The following AAAS variants were observed in gnomAD, a reference collection of about 807,000 sequenced individuals.
The protein encoded by AAAS is aladin WD repeat nucleoporin.
Under a neutral mutation model 75.6 loss-of-function variants are expected in AAAS, and 60 were observed. That is an observed-to-expected ratio of 0.79 (90% CI 0.64 to 0.98). The LOEUF is 0.98. AAAS is among the 50% of genes least tolerant of loss of function. The pLI is 0.00. For missense variants in AAAS, 658 were observed against 686.9 expected, an observed-to-expected ratio of 0.96 and a Z score of 0.47; for synonymous variants, 271 against 265.0, an observed-to-expected ratio of 1.02 and a Z score of -0.22.
At chr12:53,314,527 G>A in intron 6 of AAAS, 86 bp from the exon 7 acceptor site, 1 of 1,579,574 alleles carries the variant, frequency 6.3e-7, no homozygotes, top group Non-Finnish European at 8.7e-7. Context: ...GAAAGCCACA[G>A]AGAAGAAGGA....
chr12:53,314,191 A>G, intron 7 of AAAS, 107 bp downstream of exon 7: 2 of 1,477,284 alleles, frequency 1.4e-6, no homozygotes, highest in Non-Finnish European at 1.9e-6. Flanking sequence ...TAGCCCTGGG[A>G]AGTGCTGTGA....
At chr12:53,313,809 A>G (rs752171484) in intron 7 of AAAS, among the ~76,000 whole-genome samples, 20 of 151,776 alleles carry the variant, frequency 1.3e-4, no homozygotes, top group Non-Finnish European at 2.5e-4. Context: ...AGGTTTTGCT[A>G]TGTTGGCCAG....
intron 14 of AAAS, 43 bp downstream of exon 14, chr12:53,308,009 G>A (rs766471192): frequency 1.4e-5 from 23 of 1,613,132 alleles, no homozygotes; most frequent in Non-Finnish European, 1.6e-5. Context: ...TGTGCAGGAA[G>A]GCTGGTGAGA....
At chr12:53,321,285 A>C in intron 1 of AAAS, 58 bp downstream of exon 1, 3 of 1,595,850 alleles carry the variant, frequency 1.9e-6, no homozygotes, top group Non-Finnish European at 2.6e-6. Context: ...TCCTTTCCCC[A>C]GTAGTCCCCG....
intron 7 of AAAS, among the ~76,000 whole-genome samples, chr12:53,311,597 A>G (rs1944389255): frequency 6.6e-6 from 1 of 152,206 alleles, no homozygotes; most frequent in Non-Finnish European, 1.5e-5. Flanking sequence ...CCTGGGCAAC[A>G]TAATGAAACC....
In AAAS at chr12:53,314,970, G is replaced by A. The variant is rs1005700659; in HGVS notation, c.447-121C>T. 7 of 1,471,070 alleles carry A rather than the reference G, an allele frequency of 4.8e-6. No homozygotes were observed. In the Admixed American group the frequency reaches 1.0e-4, roughly 22 times the overall value. 91.1% of individuals were successfully genotyped at this position (1,471,070 alleles called of 1,614,324 possible). ...CTTTTTCTTGTATTCTTTTTTGGGG[G>A]AACAGGAGGAATGAGAATATGGTGA... is the stretch of plus-strand genomic sequence containing the variant. On this transcript the variant is annotated intron_variant, in intron 5 of 15. Transcript: ENST00000209873.
intron 3 of AAAS, 92 bp downstream of exon 3, chr12:53,315,635 G>A: frequency 1.3e-6 from 2 of 1,485,816 alleles, no homozygotes; most frequent in Non-Finnish European, 1.9e-6. Context: ...AGGGCTAAAA[G>A]AGGCTGAGCC....
Position 53,308,994 on chromosome 12 carries a change from C to T in AAAS, c.962G>A (p.Cys321Tyr). The T allele has an allele frequency of 6.2e-7, 1 of 1,614,214 alleles. No homozygotes were observed. Among genetic ancestry groups the T allele is most frequent in the Non-Finnish European group, 8.5e-7 (1 of 1,180,026 alleles). ...FRVWEAQMWTCERWPTLSGRC... is the reference protein window; with the variant it reads ...FRVWEAQMWTYERWPTLSGRC... Reference sequence around the variant, plus strand: ...CCCTGATAGAGTAGGCCACCTCTCACAAGTCCACATCTGGGCCTCCCAGAC... The same window carrying T: ...CCCTGATAGAGTAGGCCACCTCTCATAAGTCCACATCTGGGCCTCCCAGAC... The change falls in exon 10 of 16, where the codon TGT becomes TAT. Residue 321 changes from cysteine to tyrosine, a missense_variant. Cys to Tyr is a radical substitution (Grantham distance 194). Coordinates refer to ENST00000209873, the MANE Select transcript of AAAS (RefSeq NM_015665.6).
chr12:53,310,770 T>C (rs1944377732), intron 7 of AAAS, among the ~76,000 whole-genome samples: 1 of 152,230 alleles, frequency 6.6e-6, no homozygotes, highest in African/African-American at 2.4e-5. Flanking sequence ...GTCATGGATG[T>C]ACAATTTAAT....
In AAAS at chr12:53,317,308, A is replaced by G. The variant is rs377668095; in HGVS notation, c.252-1526T>C. Among the ~76,000 whole-genome samples the G allele has an allele frequency of 2.4e-4, 37 of 152,216 alleles. No individual in the cohort carries two copies. In the East Asian group the frequency reaches 5.8e-3, roughly 24 times the overall value. On this transcript the variant is annotated intron_variant, in intron 2 of 15. Coordinates refer to ENST00000209873, the MANE Select transcript of AAAS (RefSeq NM_015665.6). Reference sequence around the variant, plus strand: ...TGCGGTGGCTCACACCTGTAATCCCAGCACTTTGGGAGGCTGAGGCGGGCG... The same window carrying G: ...TGCGGTGGCTCACACCTGTAATCCCGGCACTTTGGGAGGCTGAGGCGGGCG...
At position 53,315,105 on chromosome 12, in the gene AAAS, T is replaced by C. The variant is rs1433415779; in HGVS notation, c.435A>G (p.Gln145=). The C allele has an allele frequency of 6.2e-7, 1 of 1,614,168 alleles. No individual in the cohort carries two copies. Among genetic ancestry groups the C allele is most frequent in the Non-Finnish European group, 8.5e-7 (1 of 1,180,034 alleles). The change falls in exon 5 of 16, where the codon CAA becomes CAG. Residue 145 remains glutamine, a synonymous_variant. Coordinates refer to ENST00000209873, the MANE Select transcript of AAAS (RefSeq NM_015665.6). ...RSEDLIAEFA[Q]VTNWSSCCLR... The stretch of plus-strand genomic sequence containing the variant: ...GCTTGTGCACTCACCAATTTGTGAC[T>C]TGGGCAAATTCAGCGATCAGATCTT...
In AAAS at chr12:53,307,478, C is replaced by T. The variant is rs1565775673; in HGVS notation, c.*11G>A. ...AACTGAGTGGAAAACAAAAGGAAAA[C>T]TTATTTATTCTTAGAGGTGGGAATG... On this transcript the variant is annotated 3_prime_UTR_variant, in exon 16 of 16. Transcript: ENST00000209873. 1 of 1,606,936 alleles carries T rather than the reference C, an allele frequency of 6.2e-7. No individual in the cohort carries two copies. Among genetic ancestry groups the T allele is most frequent in the Admixed American group, 1.7e-5 (1 of 59,054 alleles).
At chr12:53,316,494 C>T (rs1367624450) in intron 2 of AAAS, among the ~76,000 whole-genome samples, 4 of 141,294 alleles carry the variant, frequency 2.8e-5, no homozygotes, top group South Asian at 2.2e-4. Context: ...AAAGGCCAGG[C>T]GCGGTGGCTC....
intron 10 of AAAS, 61 bp from the exon 11 acceptor site, chr12:53,308,876 G>T: frequency 6.2e-7 from 1 of 1,613,130 alleles, no homozygotes; most frequent in Non-Finnish European, 8.5e-7. Flanking sequence ...AGGAGGGAAA[G>T]TAGAGGTGGC....
intron 7 of AAAS, among the ~76,000 whole-genome samples, chr12:53,312,832 A>ATG (rs1369602418): frequency 6.9e-6 from 1 of 145,350 alleles, no homozygotes; most frequent in Non-Finnish European, 1.5e-5. Context: ...TATAAAACAT[A>ATG]TATGTGTGTG....
chr12:53,317,153 G>A (rs960250097), intron 2 of AAAS, among the ~76,000 whole-genome samples: 7 of 151,084 alleles, frequency 4.6e-5, no homozygotes, highest in East Asian at 2.0e-4. Flanking sequence ...GGCCGGGTGC[G>A]GTGGCTCACA....
chr12:53,307,994 T>C, intron 14 of AAAS, 58 bp downstream of exon 14: 2 of 1,612,844 alleles, frequency 1.2e-6, no homozygotes, highest in Non-Finnish European at 1.7e-6. Flanking sequence ...GGATGTGGGT[T>C]TGTTTGTGCA....
At position 53,308,755 on chromosome 12, in the gene AAAS, T is replaced by C. The variant is rs1316185692; in HGVS notation, c.1057A>G (p.Ile353Val). 1 of 1,613,942 alleles carries C rather than the reference T, an allele frequency of 6.2e-7. No homozygotes were observed. Among genetic ancestry groups the C allele is most frequent in the African/African-American group, 1.3e-5 (1 of 74,878 alleles). The stretch of plus-strand genomic sequence containing the variant: ...CGTTCTGGAAAAGACAGGGAGTAAA[T>C]CAGTGGCTCTCCCAATACAGTGAAC... ...LLFTVLGEPL[I>V]YSLSFPERCG... Residue 353 changes from isoleucine (I) to valine (V), a missense_variant, in exon 11 of 16, where the codon ATT (isoleucine) becomes GTT (valine). Ile to Val is a conservative substitution (Grantham distance 29). Transcript: ENST00000209873.
At chr12:53,317,180 G>A (rs980861502) in intron 2 of AAAS, among the ~76,000 whole-genome samples, 6 of 149,044 alleles carry the variant, frequency 4.0e-5, no homozygotes, top group South Asian at 2.1e-4. Context: ...ATCCCAGCAC[G>A]CTGGGAGGCC....
Sources: allele counts gnomAD v4.1 joint callset (sites outside exome capture counted in the v4.1 genomes callset), GRCh38; gene constraint gnomAD v4.1.1; transcripts MANE v1.5; gene names NCBI Gene and HGNC (gene_info 2026-07-23, HGNC 2026-07-21).